Variants in MMEL1 observed in about 807,000 individuals in gnomAD.
MMEL1 encodes membrane metalloendopeptidase like 1, also known as membrane metallo-endopeptidase-like 1.
MMEL1 carries 98 observed loss-of-function variants against 117.1 expected under a neutral mutation model. The observed-to-expected ratio is 0.84, with a 90% CI of 0.71 to 0.99. The LOEUF (loss-of-function observed/expected upper bound fraction) is 0.99, where lower values mean the gene tolerates loss of function less well. Among genes scored for constraint, MMEL1 ranks in the 50% least tolerant of loss-of-function variants. MMEL1 has a pLI of 0.00. For missense variants in MMEL1, 1,014 were observed against 1,049.1 expected, an observed-to-expected ratio of 0.97 and a Z score of 0.46; for synonymous variants, 390 against 415.1, an observed-to-expected ratio of 0.94 and a Z score of 0.74.
At chr1:2,596,950 C>T (rs1159826276) in intron 13 of MMEL1, among the ~76,000 whole-genome samples, 1 of 152,072 alleles carries the variant, frequency 6.6e-6, no homozygotes. Context: ...GGGGTTCCTC[C>T]CCGGCCCCTG....
At chr1:2,607,785 G>A (rs1380164504) in intron 6 of MMEL1, among the ~76,000 whole-genome samples, 2 of 152,006 alleles carry the variant, frequency 1.3e-5, no homozygotes, top group Non-Finnish European at 2.9e-5. Flanking sequence ...AGGCTGTGGC[G>A]GGCTCACTAG....
chr1:2,593,845 C>T lies in MMEL1; in HGVS notation c.1836G>A (p.Gly612=). The T allele has an allele frequency of 1.2e-6, 2 of 1,611,978 alleles. No individual in the cohort carries two copies. The highest frequency in any genetic ancestry group is 1.7e-6 in the Non-Finnish European group (2 of 1,178,846). Residue 612 remains glycine (G), a synonymous_variant, in exon 19 of 24, where the codon GGG becomes GGA. Coordinates refer to ENST00000378412, the MANE Select transcript of MMEL1 (RefSeq NM_033467.4). ...LNFGGIGMVI[G]HEITHGFDDN... The stretch of plus-strand genomic sequence containing the variant: ...CGTCAAAGCCGTGCGTGATCTCGTG[C>T]CCGATCACCATCCCAATGCCTCCAA...
At position 2,604,192 on chromosome 1, in the gene MMEL1, C is replaced by G; in HGVS notation, c.906G>C (p.Gln302His). 1 of 1,612,820 alleles carries G rather than the reference C, an allele frequency of 6.2e-7. No homozygotes were observed. Among genetic ancestry groups the G allele is most frequent in the Non-Finnish European group, 8.5e-7 (1 of 1,179,922 alleles). ...GCTCCAGCACCTGCACCATGTCCTCCTGCACCAGGCAGCTGTCCCTGGGCA... is the reference window on the plus strand; with the variant it reads ...GCTCCAGCACCTGCACCATGTCCTCGTGCACCAGGCAGCTGTCCCTGGGCA... ...ANLPRDSCLV[Q>H]EDMVQVLELE... Residue 302 changes from glutamine (Q) to histidine (H), a missense_variant, in exon 10 of 24, where the codon CAG (glutamine) becomes CAC (histidine). Physicochemically the swap from Gln to His is conservative, Grantham distance 24 (BLOSUM62 0). Coordinates refer to ENST00000378412, the MANE Select transcript of MMEL1 (RefSeq NM_033467.4).
rs1438997885 is a variant in MMEL1 at position 2,608,560 on chromosome 1, C to T, written c.535+779G>A. On this transcript the variant is annotated intron_variant, in intron 6 of 23. Coordinates refer to ENST00000378412, the MANE Select transcript of MMEL1 (RefSeq NM_033467.4). ...ACACATACACATACACACATATACA[C>T]ATGTACACAAGTACACACAGCACAT... 1.1e-4 allele frequency among the ~76,000 whole-genome samples: 16 copies of T among 151,798 alleles called. 1 individual carries two copies. The highest frequency in any genetic ancestry group is 8.5e-4 in the Admixed American group (13 of 15,226).
chr1:2,617,426 C>CA lies in MMEL1; in HGVS notation c.155-5223dup, dbSNP rs35881431. On this transcript the variant is annotated intron_variant, in intron 2 of 23. Transcript: ENST00000378412. ...TGGGCGACAGAGAGAGACTCCGTCT[C>CA]AAAAAAAAAAAAAAAAAAAAAAAAT... Among the ~76,000 whole-genome samples, 504 of 55,572 alleles carry CA rather than the reference C, an allele frequency of 9.1e-3. 4 individuals carry two copies. Among genetic ancestry groups the CA allele is most frequent in the Middle Eastern group, 0.028 (2 of 72 alleles). The allele number at this position is 55,572 out of a possible 152,430, so 36.5% of individuals were successfully genotyped here.
chr1:2,605,755 A>G, intron 8 of MMEL1, 132 bp from the exon 9 acceptor site: 1 of 494,446 alleles, frequency 2.0e-6, no homozygotes, highest in South Asian at 2.2e-5. Flanking sequence ...CTGGTGGTGG[A>G]GCTTGTGCCG....
chr1:2,602,848 T>A (rs745573323), intron 11 of MMEL1, among the ~76,000 whole-genome samples: 10 of 152,118 alleles, frequency 6.6e-5, no homozygotes, highest in Non-Finnish European at 1.5e-4. Flanking sequence ...CTTTACCTCC[T>A]GTCTGCTGTC....
At position 2,592,032 on chromosome 1, in the gene MMEL1, A is replaced by G. The variant is rs772633563; in HGVS notation, c.2068-5T>C. 1 of 1,612,114 alleles carries G rather than the reference A, an allele frequency of 6.2e-7. No individual in the cohort carries two copies. Among genetic ancestry groups the G allele is most frequent in the South Asian group, 1.1e-5 (1 of 91,042 alleles). ...TGCCATCCACTTGAGGTAGGCCTGC[A>G]GGCACCAGACAGGAGCTGAGCTCAG... On this transcript the variant is annotated splice_polypyrimidine_tract_variant and splice_region_variant and intron_variant, in intron 21 of 23. Transcript: ENST00000378412.
chr1:2,592,116 C>T, intron 21 of MMEL1, 89 bp from the exon 22 acceptor site: 2 of 1,087,810 alleles, frequency 1.8e-6, no homozygotes, highest in East Asian at 2.5e-5. Context: ...GGTCTGGCTC[C>T]AGGACCTACC....
chr1:2,623,620 G>A (rs1488811167), intron 2 of MMEL1, among the ~76,000 whole-genome samples: 2 of 152,206 alleles, frequency 1.3e-5, no homozygotes, highest in African/African-American at 4.8e-5. Context: ...AGTGTGGGCT[G>A]CTACATGAGT....
intron 11 of MMEL1, among the ~76,000 whole-genome samples, chr1:2,602,748 TA>T (rs1455880750): frequency 6.6e-6 from 1 of 152,156 alleles, no homozygotes; most frequent in Non-Finnish European, 1.5e-5. Flanking sequence ...CGGTGCTCAT[TA>T]GCTGGGAGTC....
At chr1:2,601,076 T>G (rs1458839733) in intron 11 of MMEL1, among the ~76,000 whole-genome samples, 1 of 152,224 alleles carries the variant, frequency 6.6e-6, no homozygotes, top group African/African-American at 2.4e-5. Context: ...AGTTTTCTTT[T>G]TGTGTGTGTG....
chr1:2,590,939 T>C lies in MMEL1; in HGVS notation c.*51A>G. Reference sequence around the variant, plus strand: ...GCCGCTAGCTGCACCTTCGCACAGATGCCTCCGAGCAGCGGGTGGGCGTGG... The same window carrying C: ...GCCGCTAGCTGCACCTTCGCACAGACGCCTCCGAGCAGCGGGTGGGCGTGG... On this transcript the variant is annotated 3_prime_UTR_variant, in exon 24 of 24. Transcript: ENST00000378412. The C allele has an allele frequency of 7.3e-7, 1 of 1,378,220 alleles. No homozygotes were observed. The highest frequency in any genetic ancestry group is 9.6e-7 in the Non-Finnish European group (1 of 1,042,956). The allele number at this position is 1,378,220 out of a possible 1,614,324, so 85.4% of individuals were successfully genotyped here. A position where few individuals can be genotyped will look rare whatever the true frequency, so the allele number is the denominator to read the frequency against.
At chr1:2,602,775 T>C (rs1241492392) in intron 11 of MMEL1, among the ~76,000 whole-genome samples, 1 of 152,208 alleles carries the variant, frequency 6.6e-6, no homozygotes, top group East Asian at 1.9e-4. Flanking sequence ...CCCAGACTCT[T>C]GGGGAACTGC....
intron 7 of MMEL1, 46 bp downstream of exon 7, chr1:2,606,928 G>C: frequency 6.5e-7 from 1 of 1,544,264 alleles, no homozygotes; most frequent in South Asian, 1.1e-5. Context: ...CCTGGTCCTG[G>C]TCCTCCTTTG....
rs1427156658 is a variant in MMEL1 at position 2,612,187 on chromosome 1, G to T, written c.172C>A (p.Leu58Ile). ...ADRRGKQLPR[L>I]ASRLCFLQEE... ...TGTAAGAAGCACAGCCGGCTAGCAAGGCGTGGCAGCTGCTTCCCTGGGGAG... is the reference window on the plus strand; with the variant it reads ...TGTAAGAAGCACAGCCGGCTAGCAATGCGTGGCAGCTGCTTCCCTGGGGAG... Residue 58 changes from leucine (L) to isoleucine (I), a missense_variant, in exon 3 of 24, where the codon CTT becomes ATT. Transcript: ENST00000378412. This position sits in a 1 kb window ranked among gnomAD's most constrained non-coding sequence, Gnocchi z 5.4. 6.4e-7 allele frequency: 1 copy of T among 1,574,772 alleles called. No individual in the cohort carries two copies. Among genetic ancestry groups the T allele is most frequent in the African/African-American group, 1.3e-5 (1 of 74,098 alleles).
At chr1:2,605,832 G>A (rs998454165) in intron 8 of MMEL1, among the ~76,000 whole-genome samples, 3 of 151,994 alleles carry the variant, frequency 2.0e-5, no homozygotes, top group Admixed American at 6.5e-5. Flanking sequence ...AGAGGGTGGC[G>A]GGGGTGGGGT....
intron 2 of MMEL1, among the ~76,000 whole-genome samples, chr1:2,625,993 CCCA>C (rs1638253919): frequency 6.6e-6 from 1 of 152,170 alleles, no homozygotes; most frequent in Non-Finnish European, 1.5e-5. Flanking sequence ...GAAGGCACCA[CCCA>C]CAAGTGGACA....
intron 2 of MMEL1, among the ~76,000 whole-genome samples, chr1:2,628,604 G>A (rs1420936430): frequency 1.3e-5 from 2 of 151,992 alleles, no homozygotes; most frequent in Non-Finnish European, 2.9e-5. Flanking sequence ...TGGCAGGGGC[G>A]GCTGGAAGGT....
Sources: gnomAD v4.1 joint callset for allele counts (sites outside exome capture counted in the v4.1 genomes callset) on GRCh38, gnomAD v4.1.1 for gene constraint, Gnocchi (gnomAD v3.1) non-coding constraint, MANE v1.5 for transcripts, NCBI Gene and HGNC (gene_info 2026-07-23, HGNC 2026-07-21) for gene names.